The following SNAPC2 variants were observed in gnomAD, a reference collection of about 807,000 sequenced individuals.
SNAPC2 encodes the protein snRNA-activating protein complex subunit 2.
SNAPC2 carries 27 observed loss-of-function variants against 22.9 expected under a neutral mutation model. The observed-to-expected ratio is 1.18, with a 90% CI of 0.87 to 1.63. The LOEUF is 1.63. SNAPC2 is among the 40% of genes most tolerant of loss of function. The probability of loss-of-function intolerance (pLI) is 0.00; values close to 1 mark genes in which losing one functional copy is unlikely to be tolerated. For missense variants in SNAPC2, 570 were observed against 449.1 expected (o/e 1.27, Z -2.43); for synonymous variants, 272 against 201.0 (o/e 1.35, Z -2.99).
In SNAPC2 at chr19:7,921,776, ACCG is replaced by A; in HGVS notation, c.372+6_372+8del. 1 of 1,612,120 alleles carries A rather than the reference ACCG, an allele frequency of 6.2e-7. No individual in the cohort carries two copies. Among genetic ancestry groups the A allele is most frequent in the Non-Finnish European group, 8.5e-7 (1 of 1,178,930 alleles). On this transcript the variant is annotated splice_donor_5th_base_variant and intron_variant, in intron 3 of 4. Transcript: ENST00000221573. Reference sequence around the variant, plus strand: ...CCCTGGCAGTGGCTTTCTCGCAGGTACCGCCATTCCCCCAGGCAGGTCAGGGTG... The same window carrying A: ...CCCTGGCAGTGGCTTTCTCGCAGGTACCATTCCCCCAGGCAGGTCAGGGTG...
At chr19:7,920,811 G>A in intron 1 of SNAPC2, 1 of 521,920 alleles carries the variant, frequency 1.9e-6, no homozygotes, top group Non-Finnish European at 2.9e-6. Context: ...GCGGAGGGGC[G>A]GGGCGATGCC....
At chr19:7,920,828 G>T in intron 1 of SNAPC2, 2 of 582,238 alleles carry the variant, frequency 3.4e-6, no homozygotes, top group Non-Finnish European at 5.0e-6. Context: ...TGCCGGGGGC[G>T]GGGCGTGCGT....
At position 7,922,897 on chromosome 19, in the gene SNAPC2, C is replaced by A. The variant is rs935078974; in HGVS notation, c.*133C>A. 1 of 711,392 alleles carries A rather than the reference C, an allele frequency of 1.4e-6. No homozygotes were observed. The allele number at this position is 711,392 out of a possible 1,614,324, so 44.1% of individuals were successfully genotyped here. ...AGATGATGCTCAGCTGTGGGGCGGG[C>A]CTCTAAGATGCCCCATACTTTGGGG... On this transcript the variant is annotated 3_prime_UTR_variant, in exon 5 of 5. Transcript: ENST00000221573.
At position 7,921,458 on chromosome 19, in the gene SNAPC2, AG is replaced by A. The variant is rs1209961219; in HGVS notation, c.220del (p.Ala74ProfsTer27). On this transcript the variant is annotated frameshift_variant, in exon 2 of 5. Coordinates refer to ENST00000221573, the MANE Select transcript of SNAPC2 (RefSeq NM_003083.4). LOFTEE classifies it high-confidence loss of function. ...VFLQQLKGRV[A>X]REAIQKVHPG... ...TCCTCCAGCAGCTCAAGGGCCGCGTAGCCCGGGAGGCCATTCAGAAAGTGCA... is the reference window on the plus strand; with the variant it reads ...TCCTCCAGCAGCTCAAGGGCCGCGTACCCGGGAGGCCATTCAGAAAGTGCA... 1 of 1,613,886 alleles carries A rather than the reference AG, an allele frequency of 6.2e-7. No homozygotes were observed. The highest frequency in any genetic ancestry group is 1.7e-5 in the Admixed American group (1 of 60,000).
rs746224334 is a variant in SNAPC2, at chr19:7,920,424, G to A, written c.58G>A (p.Gly20Ser). The part of the protein sequence containing the change: ...APARYLGEVT[G>S]PATWSAREKR... ...GGCGCGCTATCTGGGCGAGGTGACC[G>A]GTCCCGCGACCTGGAGCGCTCGCGA... is the stretch of plus-strand genomic sequence containing the variant. The change falls in exon 1 of 5, where the codon GGT becomes AGT. Residue 20 changes from glycine to serine, a missense_variant. Coordinates refer to ENST00000221573, the MANE Select transcript of SNAPC2 (RefSeq NM_003083.4). 45 of 1,577,746 alleles carry A rather than the reference G, an allele frequency of 2.9e-5. No individual in the cohort carries two copies. The highest frequency in any genetic ancestry group is 3.6e-5 in the Non-Finnish European group (42 of 1,170,234).
At position 7,922,648 on chromosome 19, in the gene SNAPC2, G is replaced by A. The variant is rs146782841; in HGVS notation, c.889G>A (p.Glu297Lys). The A allele has an allele frequency of 1.2e-5, 20 of 1,613,638 alleles. No homozygotes were observed. The highest frequency in any genetic ancestry group is 1.1e-4 in the East Asian group (5 of 44,874). ...ACCAGAGGAGACCCCCCCAGCCACC[G>A]AGAAGGCCGAGCACAGCGAACTGAA... is the stretch of plus-strand genomic sequence containing the variant. Reference protein sequence around the residue: ...KAPEETPPATEKAEHSELKSP... With the variant: ...KAPEETPPATKKAEHSELKSP... The change falls in exon 5 of 5, where the codon GAG (glutamate) becomes AAG (lysine). Residue 297 changes from glutamate (E) to lysine (K), a missense_variant. Transcript: ENST00000221573.
In SNAPC2 at chr19:7,923,025, C is replaced by T; in HGVS notation, c.*261C>T. The T allele has an allele frequency of 6.7e-6, 3 of 446,210 alleles. No homozygotes were observed. Among genetic ancestry groups the T allele is most frequent in the Non-Finnish European group, 8.0e-6 (2 of 251,458 alleles). 27.6% of individuals were successfully genotyped at this position (446,210 alleles called of 1,614,324 possible). On this transcript the variant is annotated 3_prime_UTR_variant, in exon 5 of 5. Transcript: ENST00000221573. The stretch of plus-strand genomic sequence containing the variant: ...AGGACAGGCGGACAGGGCTGGCCTC[C>T]CCCAGTCCCCAAGCCCCACTGTGCC...
rs778295538 is a variant in SNAPC2 at position 7,921,578 on chromosome 19, A to G, written c.303+36A>G. ...TGAACAGGGTGAGGCTGTCCAGGGC[A>G]GGTCCCTGGTGGGTAGGTGGGAGTT... On this transcript the variant is annotated intron_variant, in intron 2 of 4. Coordinates refer to ENST00000221573, the MANE Select transcript of SNAPC2 (RefSeq NM_003083.4). 1.6e-5 allele frequency: 25 copies of G among 1,604,788 alleles called. No homozygotes were observed. The East Asian group carries it at 5.4e-4, about 34-fold the overall frequency.
chr19:7,920,628 G>T, intron 1 of SNAPC2, 79 bp downstream of exon 1: 2 of 791,156 alleles, frequency 2.5e-6, no homozygotes, highest in South Asian at 2.2e-5. Context: ...GGCTGCGGCA[G>T]GAGCCAGCGG....
Position 7,922,656 on chromosome 19 carries a change from C to T in SNAPC2, c.897C>T (p.Ala299=), listed in dbSNP as rs748572912. 1.3e-5 allele frequency: 21 copies of T among 1,613,570 alleles called. No individual in the cohort carries two copies. The highest frequency in any genetic ancestry group is 8.8e-5 in the South Asian group (8 of 91,080). The part of the protein sequence containing the change: ...PEETPPATEK[A]EHSELKSPWQ... ...AGACCCCCCCAGCCACCGAGAAGGC[C>T]GAGCACAGCGAACTGAAATCGCCTT... Residue 299 remains alanine (A), a synonymous_variant, in exon 5 of 5, where the codon GCC becomes GCT. Transcript: ENST00000221573.
intron 1 of SNAPC2, chr19:7,920,846 A>C (rs1599639922): frequency 2.5e-6 from 1 of 403,384 alleles, no homozygotes; most frequent in Non-Finnish European, 3.0e-6. Flanking sequence ...CGTGCCGCTG[A>C]GGTTTGGAGA....
In SNAPC2 at chr19:7,921,774, G is replaced by T; in HGVS notation, c.372+1G>T. 6.2e-7 allele frequency: 1 copy of T among 1,612,248 alleles called. No homozygotes were observed. The highest frequency in any genetic ancestry group is 8.5e-7 in the Non-Finnish European group (1 of 1,179,016). On this transcript the variant is annotated splice_donor_variant, in intron 3 of 4. Transcript: ENST00000221573. LOFTEE classifies it high-confidence loss of function. The stretch of plus-strand genomic sequence containing the variant: ...AGCCCTGGCAGTGGCTTTCTCGCAG[G>T]TACCGCCATTCCCCCAGGCAGGTCA...
rs1405187353 is a variant in SNAPC2 at position 7,922,739 on chromosome 19, G to T, written c.980G>T (p.Gly327Val). The change falls in exon 5 of 5, where the codon GGT becomes GTT. Residue 327 changes from glycine (G) to valine (V), a missense_variant. Physicochemically the swap from Gly to Val is moderately radical, Grantham distance 109 (BLOSUM62 -3). Coordinates refer to ENST00000221573, the MANE Select transcript of SNAPC2 (RefSeq NM_003083.4). ...NPFLVPLELL[G>V]RAATPAR ...TTCCTGGTGCCCCTGGAGCTTCTGG[G>T]TCGGGCAGCCACCCCTGCCAGGTGA... 1.9e-6 allele frequency: 3 copies of T among 1,593,998 alleles called. No individual in the cohort carries two copies. Among genetic ancestry groups the T allele is most frequent in the Middle Eastern group, 1.7e-4 (1 of 5,962 alleles).
At chr19:7,921,670 C>T (rs774318414) in intron 2 of SNAPC2, 35 bp from the exon 3 acceptor site, 3 of 1,611,548 alleles carry the variant, frequency 1.9e-6, no homozygotes, top group Non-Finnish European at 1.7e-6. Context: ...GCAGGCTGAT[C>T]CCTGGGCTGA....
At position 7,922,807 on chromosome 19, in the gene SNAPC2, C is replaced by A; in HGVS notation, c.*43C>A. On this transcript the variant is annotated 3_prime_UTR_variant, in exon 5 of 5. Transcript: ENST00000221573. ...AGGCCACACCAGGCCCCCCGCCCTG[C>A]CCCTCGGTTCTGCTCGGCTGGCCCT... The A allele has an allele frequency of 1.4e-6, 2 of 1,444,278 alleles. No individual in the cohort carries two copies. The highest frequency in any genetic ancestry group is 1.3e-5 in the South Asian group (1 of 75,396). The allele number at this position is 1,444,278 out of a possible 1,614,324, so 89.5% of individuals were successfully genotyped here. A position where few individuals can be genotyped will look rare whatever the true frequency, so the allele number is the denominator to read the frequency against.
chr19:7,922,773 G>A lies in SNAPC2; in HGVS notation c.*9G>A. On this transcript the variant is annotated 3_prime_UTR_variant, in exon 5 of 5. Coordinates refer to ENST00000221573, the MANE Select transcript of SNAPC2 (RefSeq NM_003083.4). ...CCACCCCTGCCAGGTGAGGGGCATGGCGGGCAGGAGGCCACACCAGGCCCC... is the reference window on the plus strand; with the variant it reads ...CCACCCCTGCCAGGTGAGGGGCATGACGGGCAGGAGGCCACACCAGGCCCC... The A allele has an allele frequency of 6.4e-7, 1 of 1,564,048 alleles. No homozygotes were observed. The highest frequency in any genetic ancestry group is 8.7e-7 in the Non-Finnish European group (1 of 1,150,722).
chr19:7,920,373 C>A lies in SNAPC2; in HGVS notation c.7C>A (p.Pro3Thr). Reference sequence around the variant, plus strand: ...CTGCCTCTTTCTGAGCGGCATGAAGCCACCTCCCAGGCGGCGAGCGGCCCC... The same window carrying A: ...CTGCCTCTTTCTGAGCGGCATGAAGACACCTCCCAGGCGGCGAGCGGCCCC... MK[P>T]PPRRRAAPAR... Residue 3 changes from proline to threonine, a missense_variant, in exon 1 of 5, where the codon CCA (proline) becomes ACA (threonine). Physicochemically the swap from Pro to Thr is conservative, Grantham distance 38. Transcript: ENST00000221573. The A allele has an allele frequency of 6.3e-7, 1 of 1,576,076 alleles. No homozygotes were observed. The highest frequency in any genetic ancestry group is 8.6e-7 in the Non-Finnish European group (1 of 1,169,138).
chr19:7,922,914 A>T lies in SNAPC2; in HGVS notation c.*150A>T, dbSNP rs1599641788. ...GGGGCGGGCCTCTAAGATGCCCCAT[A>T]CTTTGGGGGTCTCAGAAATGGAACC... On this transcript the variant is annotated 3_prime_UTR_variant, in exon 5 of 5. Coordinates refer to ENST00000221573, the MANE Select transcript of SNAPC2 (RefSeq NM_003083.4). The T allele has an allele frequency of 1.6e-6, 1 of 633,942 alleles. No individual in the cohort carries two copies. The highest frequency in any genetic ancestry group is 2.3e-5 in the South Asian group (1 of 44,226). 39.3% of individuals were successfully genotyped at this position (633,942 alleles called of 1,614,324 possible).
At position 7,922,842 on chromosome 19, in the gene SNAPC2, T is replaced by A; in HGVS notation, c.*78T>A. The A allele has an allele frequency of 1.7e-6, 2 of 1,175,854 alleles. No individual in the cohort carries two copies. Among genetic ancestry groups the A allele is most frequent in the Non-Finnish European group, 2.4e-6 (2 of 836,694 alleles). 72.8% of individuals were successfully genotyped at this position (1,175,854 alleles called of 1,614,324 possible). The stretch of plus-strand genomic sequence containing the variant: ...CTGCTCGGCTGGCCCTGGCTCTTTC[T>A]GAGGATCCCGTCATGGGGGAAGGTC... On this transcript the variant is annotated 3_prime_UTR_variant, in exon 5 of 5. Coordinates refer to ENST00000221573, the MANE Select transcript of SNAPC2 (RefSeq NM_003083.4).
Sources: gnomAD v4.1 joint callset for allele counts on GRCh38, gnomAD v4.1.1 for gene constraint, MANE v1.5 for transcripts, NCBI Gene and HGNC (gene_info 2026-07-23, HGNC 2026-07-21) for gene names.